Variants in DDAH1 observed in about 807,000 individuals in gnomAD.
DDAH1 encodes the protein N(G),N(G)-dimethylarginine dimethylaminohydrolase 1.
A neutral mutation model predicts 28.8 loss-of-function variants in DDAH1; 19 were observed. The ratio of observed to expected loss-of-function variants is 0.66; its 90% CI spans 0.46 to 0.97. DDAH1 has a LOEUF of 0.97. Ranked by LOEUF, DDAH1 falls within the 50% of genes least tolerant of loss-of-function variation. The probability of loss-of-function intolerance (pLI) is 0.00; values close to 1 mark genes in which losing one functional copy is unlikely to be tolerated. For synonymous variants in DDAH1, 153 were observed against 154.4 expected, an observed-to-expected ratio of 0.99 and a Z score of 0.07; for missense variants, 326 against 375.9, an observed-to-expected ratio of 0.87 and a Z score of 1.10.
At chr1:85,355,903 G>T (rs775246211) in intron 2 of DDAH1, among the ~76,000 whole-genome samples, 4 of 152,126 alleles carry the variant, frequency 2.6e-5, no homozygotes, top group Non-Finnish European at 5.9e-5. Flanking sequence ...TCTAATAAAG[G>T]TATCTTGTAG....
Position 85,464,835 on chromosome 1 carries a change from G to C in DDAH1, c.211C>G (p.Leu71Val). Residue 71 changes from leucine to valine, a missense_variant, in exon 1 of 6, where the codon CTT becomes GTT. Coordinates refer to ENST00000284031, the MANE Select transcript of DDAH1 (RefSeq NM_012137.4). The surrounding 1 kb of genome is among the most constrained non-coding windows in gnomAD (Gnocchi z 4.4). ...TCCTCCACGAAGACGCAGTCCGGAA[G>C]GCTCTCGTCGGCCGGCAGCTCCACC... ...QVVELPADES[L>V]PDCVFVEDVA... 6.3e-7 allele frequency: 1 copy of C among 1,588,178 alleles called. No individual in the cohort carries two copies. The highest frequency in any genetic ancestry group is 2.3e-5 in the East Asian group (1 of 42,778).
chr1:85,320,103 C>T lies in DDAH1; in HGVS notation c.*1349G>A, dbSNP rs1285588797. 2 of 152,290 alleles carry T rather than the reference C, an allele frequency of 1.3e-5. No individual in the cohort carries two copies. The highest frequency in any genetic ancestry group is 1.9e-4 in the East Asian group (1 of 5,184). 9.4% of individuals were successfully genotyped at this position (152,290 alleles called of 1,614,324 possible). A position where few individuals can be genotyped will look rare whatever the true frequency, so the allele number is the denominator to read the frequency against. ...TCAGTTACCATTCATTGGAAAGTAC[C>T]GTTTCCCCTGCCTGTTAATAGGCTG... is the stretch of plus-strand genomic sequence containing the variant. On this transcript the variant is annotated 3_prime_UTR_variant, in exon 6 of 6. Transcript: ENST00000284031.
chr1:85,321,057 T>A lies in DDAH1; in HGVS notation c.*395A>T, dbSNP rs1282551700. 2.7e-4 allele frequency: 35 copies of A among 129,214 alleles called. No individual in the cohort carries two copies. The highest frequency in any genetic ancestry group is 1.0e-3 in the African/African-American group (34 of 32,956). 8.0% of individuals were successfully genotyped at this position (129,214 alleles called of 1,614,324 possible). A position where few individuals can be genotyped will look rare whatever the true frequency, so the allele number is the denominator to read the frequency against. ...CAGGGACTTTCACAGGAACCAAACATGATTCATGAAAAAAAAAAAAAAAAA... is the reference window on the plus strand; with the variant it reads ...CAGGGACTTTCACAGGAACCAAACAAGATTCATGAAAAAAAAAAAAAAAAA... On this transcript the variant is annotated 3_prime_UTR_variant, in exon 6 of 6. Coordinates refer to ENST00000284031, the MANE Select transcript of DDAH1 (RefSeq NM_012137.4).
chr1:85,448,239 C>T (rs561050151), intron 1 of DDAH1: 18 of 160,276 alleles, frequency 1.1e-4, no homozygotes, highest in Non-Finnish European at 2.1e-4. Flanking sequence ...GCCGAAAGAT[C>T]GGACACCCCT....
intron 1 of DDAH1, among the ~76,000 whole-genome samples, chr1:85,431,264 C>T (rs1176209804): frequency 6.6e-6 from 1 of 152,102 alleles, no homozygotes; most frequent in Non-Finnish European, 1.5e-5. Flanking sequence ...GGTGGATAAG[C>T]TTTTTGATGT....
In DDAH1 at chr1:85,465,020, G is replaced by C. The variant is rs1452840336; in HGVS notation, c.26C>G (p.Ala9Gly). Reference sequence around the variant, plus strand: ...CACGGCGTGGGTGGCCCGGCCGAAGGCGGCGGGGTGGCCGAGCCCGGCCAT... The same window carrying C: ...CACGGCGTGGGTGGCCCGGCCGAAGCCGGCGGGGTGGCCGAGCCCGGCCAT... MAGLGHPA[A>G]FGRATHAVVR... The change falls in exon 1 of 6, where the codon GCC becomes GGC. Residue 9 changes from alanine to glycine, a missense_variant. By Grantham distance (60) the Ala-to-Gly change is moderately conservative (BLOSUM62 0). Coordinates refer to ENST00000284031, the MANE Select transcript of DDAH1 (RefSeq NM_012137.4). 1.1e-5 allele frequency: 14 copies of C among 1,332,094 alleles called. No individual in the cohort carries two copies. Among genetic ancestry groups the C allele is most frequent in the Non-Finnish European group, 1.3e-5 (14 of 1,044,416 alleles). 82.5% of individuals were successfully genotyped at this position (1,332,094 alleles called of 1,614,324 possible). A position where few individuals can be genotyped will look rare whatever the true frequency, so the allele number is the denominator to read the frequency against.
intron 2 of DDAH1, among the ~76,000 whole-genome samples, chr1:85,490,137 G>C (rs1233933778): frequency 6.6e-6 from 1 of 152,084 alleles, no homozygotes; most frequent in Non-Finnish European, 1.5e-5. Context: ...GACTAGGGAA[G>C]AATTTAGTGC....
chr1:85,408,481 T>C (rs888250384), intron 1 of DDAH1, among the ~76,000 whole-genome samples: 4 of 152,226 alleles, frequency 2.6e-5, no homozygotes, highest in East Asian at 3.8e-4. Flanking sequence ...CCCTGTTTAA[T>C]ATATTATCAC....
At chr1:85,475,151 T>A (rs1655752321) in intron 2 of DDAH1, among the ~76,000 whole-genome samples, 1 of 152,228 alleles carries the variant, frequency 6.6e-6, no homozygotes, top group Non-Finnish European at 1.5e-5. Context: ...ATCTGTACAA[T>A]CCTGGTCAAT....
At chr1:85,555,297 A>T (rs1658928269) in intron 1 of DDAH1, among the ~76,000 whole-genome samples, 2 of 152,256 alleles carry the variant, frequency 1.3e-5, no homozygotes, top group African/African-American at 4.8e-5. Context: ...AGCATTGTAT[A>T]GTTGGCAAGC....
intron 1 of DDAH1, among the ~76,000 whole-genome samples, chr1:85,507,527 T>TAAATAAATAAATAAATAAATAAAC (rs71075841): frequency 3.5e-4 from 52 of 149,360 alleles, no homozygotes; most frequent in South Asian, 8.6e-4. Context: ...AATAAATAAA[T>TAAATAAATAAATAAATAAATAAAC]AAACAAACAA....
At chr1:85,478,290 A>C (rs1243319624) in intron 2 of DDAH1, among the ~76,000 whole-genome samples, 1 of 152,210 alleles carries the variant, frequency 6.6e-6, no homozygotes, top group African/African-American at 2.4e-5. Flanking sequence ...TTTTGCCAAG[A>C]ATGCTTTCTG....
At chr1:85,395,376 A>G (rs1427312191) in intron 1 of DDAH1, among the ~76,000 whole-genome samples, 1 of 152,222 alleles carries the variant, frequency 6.6e-6, no homozygotes, top group Admixed American at 6.5e-5. Context: ...GGTTGTTTCA[A>G]TATGAAAACG....
intron 1 of DDAH1, among the ~76,000 whole-genome samples, chr1:85,526,535 C>T (rs1657880509): frequency 6.6e-6 from 1 of 152,038 alleles, no homozygotes; most frequent in Admixed American, 6.6e-5. Context: ...ACTCATATTT[C>T]ATGGAGTGAG....
intron 1 of DDAH1, among the ~76,000 whole-genome samples, chr1:85,440,578 G>A (rs1001489919): frequency 1.3e-5 from 2 of 152,202 alleles, no homozygotes; most frequent in African/African-American, 4.8e-5. Flanking sequence ...CTTTGAAGGG[G>A]CTGGAGAATG....
chr1:85,406,737 T>C (rs1170641504), intron 1 of DDAH1, among the ~76,000 whole-genome samples: 1 of 152,162 alleles, frequency 6.6e-6, no homozygotes, highest in Non-Finnish European at 1.5e-5. Context: ...TTTTTGAGTA[T>C]ACGAAGCACT....
intron 1 of DDAH1, among the ~76,000 whole-genome samples, chr1:85,360,219 G>A (rs1649714091): frequency 6.6e-6 from 1 of 152,088 alleles, no homozygotes; most frequent in South Asian, 2.1e-4. Context: ...ATTTAAAGAG[G>A]ATACAAAGTA....
chr1:85,441,519 G>A lies in DDAH1; in HGVS notation c.303+23224C>T, dbSNP rs532253911. On this transcript the variant is annotated intron_variant, in intron 1 of 5. Transcript: ENST00000284031. The stretch of plus-strand genomic sequence containing the variant: ...TCATGCCACTGCACTCCAGCCTGGC[G>A]ACAGAGTAAGACCCCATCTCAAAAA... Among the ~76,000 whole-genome samples the A allele has an allele frequency of 2.9e-5, 4 of 139,492 alleles. No individual in the cohort carries two copies. In the East Asian group the frequency reaches 6.5e-4, roughly 23 times the overall value. 91.5% of individuals were successfully genotyped at this position (139,492 alleles called of 152,430 possible).
chr1:85,375,178 A>G (rs1300623999), intron 1 of DDAH1, among the ~76,000 whole-genome samples: 2 of 152,196 alleles, frequency 1.3e-5, no homozygotes, highest in Non-Finnish European at 2.9e-5. Context: ...ACATCAGTAC[A>G]GGTTTTCTTC....
Sources: gnomAD v4.1 joint callset for allele counts (sites outside exome capture counted in the v4.1 genomes callset) on GRCh38, gnomAD v4.1.1 for gene constraint, Gnocchi (gnomAD v3.1) non-coding constraint, MANE v1.5 for transcripts, NCBI Gene and HGNC (gene_info 2026-07-23, HGNC 2026-07-21) for gene names.